FBLN7: variants seen among roughly 807,000 people sequenced by gnomAD.
FBLN7 encodes the protein fibulin-7.
In FBLN7, 31 loss-of-function variants were observed where a neutral mutation model predicts 44.0. The ratio of observed to expected loss-of-function variants is 0.70; its 90% CI spans 0.53 to 0.95. The LOEUF (loss-of-function observed/expected upper bound fraction) is 0.95, where lower values mean the gene tolerates loss of function less well. Among genes scored for constraint, FBLN7 ranks in the 40% least tolerant of loss-of-function variants. The pLI, the probability that FBLN7 is intolerant of heterozygous loss-of-function variation, is 0.00. For missense variants in FBLN7, 573 were observed against 618.5 expected (o/e 0.93, Z 0.78); for synonymous variants, 262 against 253.4 (o/e 1.03, Z -0.32).
At chr2:112,218,778 G>A in the FBLN7 span, among the ~76,000 whole-genome samples, 2 of 152,172 alleles carry the variant, frequency 1.3e-5, no homozygotes, top group South Asian at 4.1e-4. Flanking sequence ...ATTTTGAGGA[G>A]TGAAAAGTTA....
chr2:112,155,982 C>A (rs1340029992), intron 1 of FBLN7, among the ~76,000 whole-genome samples: 2 of 152,236 alleles, frequency 1.3e-5, no homozygotes, highest in Non-Finnish European at 2.9e-5. Flanking sequence ...GTACCCGGGG[C>A]AGCTGCGGCT....
the FBLN7 span, among the ~76,000 whole-genome samples, chr2:112,226,965 G>A: frequency 6.6e-6 from 1 of 152,080 alleles, no homozygotes; most frequent in African/African-American, 2.4e-5. Flanking sequence ...CATCTCAACA[G>A]ATGCACAGAA....
chr2:112,230,686 G>A, the FBLN7 span: 1 of 218,010 alleles, frequency 4.6e-6, no homozygotes, highest in Non-Finnish European at 9.1e-6. Context: ...AAACACAAGA[G>A]GAGAATAAAA....
At chr2:112,167,104 G>A (rs1573803644) in intron 3 of FBLN7, among the ~76,000 whole-genome samples, 1 of 152,226 alleles carries the variant, frequency 6.6e-6, no homozygotes, top group African/African-American at 2.4e-5. Flanking sequence ...TGCTGCAAGC[G>A]AAAGCACATC....
intron 2 of FBLN7, among the ~76,000 whole-genome samples, chr2:112,164,315 G>C (rs1682025066): frequency 6.6e-6 from 1 of 152,206 alleles, no homozygotes; most frequent in Admixed American, 6.5e-5. Context: ...CCAGGCAGTG[G>C]GCTGGTGCTG....
At chr2:112,142,630 G>A (rs2104533538) in intron 1 of FBLN7, among the ~76,000 whole-genome samples, 1 of 152,306 alleles carries the variant, frequency 6.6e-6, no homozygotes, top group African/African-American at 2.4e-5. Context: ...CAACTCCAAG[G>A]AGCTCTAGAT....
chr2:112,159,582 G>T, intron 1 of FBLN7, 94 bp from the exon 2 acceptor site: 2 of 1,397,490 alleles, frequency 1.4e-6, no homozygotes, highest in Non-Finnish European at 1.9e-6. Context: ...ACGCGGTTTG[G>T]ACCCCGTGGC....
At chr2:112,211,953 T>A in the FBLN7 span, 4 of 152,204 alleles carry the variant, frequency 2.6e-5, no homozygotes, top group Non-Finnish European at 5.9e-5. Context: ...AGTTTTCTGC[T>A]CCTTATTATG....
intron 3 of FBLN7, among the ~76,000 whole-genome samples, chr2:112,165,796 C>G (rs1445320644): frequency 6.6e-6 from 1 of 152,176 alleles, no homozygotes; most frequent in Non-Finnish European, 1.5e-5. Flanking sequence ...GAAGGCTTCT[C>G]TCTGTGCTAG....
chr2:112,150,903 G>A (rs972312711), intron 1 of FBLN7, among the ~76,000 whole-genome samples: 1 of 152,192 alleles, frequency 6.6e-6, no homozygotes, highest in Admixed American at 6.5e-5. Flanking sequence ...AATTAGAAAA[G>A]TATCAGAGGG....
At chr2:112,145,012 G>T (rs569027558) in intron 1 of FBLN7, among the ~76,000 whole-genome samples, 2 of 152,262 alleles carry the variant, frequency 1.3e-5, no homozygotes, top group Admixed American at 6.5e-5. Flanking sequence ...GTTTAACTTC[G>T]TAAGAAACTG....
the FBLN7 span, among the ~76,000 whole-genome samples, chr2:112,221,125 C>T: frequency 2.6e-5 from 4 of 152,264 alleles, no homozygotes; most frequent in Non-Finnish European, 1.5e-5. Flanking sequence ...TACATAATTT[C>T]ATATTTCTCA....
chr2:112,214,551 G>C, the FBLN7 span: 1 of 152,200 alleles, frequency 6.6e-6, no homozygotes, highest in African/African-American at 2.4e-5. Context: ...AAACCAAGGG[G>C]AGCAGAGGGA....
chr2:112,161,458 G>C (rs964323831), intron 2 of FBLN7, among the ~76,000 whole-genome samples: 2 of 152,052 alleles, frequency 1.3e-5, no homozygotes, highest in African/African-American at 4.8e-5. Context: ...CCCTCACTGG[G>C]GCTCCACACA....
intron 1 of FBLN7, among the ~76,000 whole-genome samples, chr2:112,154,083 T>C (rs1573775609): frequency 6.6e-6 from 1 of 152,202 alleles, no homozygotes; most frequent in Admixed American, 6.5e-5. Flanking sequence ...AACATTGCCA[T>C]TGGTGTCAAG....
chr2:112,229,287 CTCTA>C, the FBLN7 span, among the ~76,000 whole-genome samples: 1 of 152,090 alleles, frequency 6.6e-6, no homozygotes, highest in Non-Finnish European at 1.5e-5. Context: ...GATATGAGGC[CTCTA>C]TCTGATACCA....
the FBLN7 span, among the ~76,000 whole-genome samples, chr2:112,203,824 A>G: frequency 3.4e-4 from 52 of 152,332 alleles, no homozygotes; most frequent in African/African-American, 1.3e-3. Context: ...AAGATGCAAA[A>G]GCAAAAACCC....
At chr2:112,168,888 C>A (rs558858887) in intron 3 of FBLN7, among the ~76,000 whole-genome samples, 9 of 152,296 alleles carry the variant, frequency 5.9e-5, no homozygotes, top group South Asian at 2.1e-4. Flanking sequence ...AATTGTCCCT[C>A]ACTCCAACTC....
At chr2:112,208,060 C>T in the FBLN7 span, among the ~76,000 whole-genome samples, 4 of 152,140 alleles carry the variant, frequency 2.6e-5, no homozygotes, top group African/African-American at 9.7e-5. Context: ...AACATGTAAA[C>T]AAATGGGCAT....
Sources: gnomAD v4.1 joint callset for allele counts (sites outside exome capture counted in the v4.1 genomes callset) on GRCh38, gnomAD v4.1.1 for gene constraint, MANE v1.5 for transcripts, NCBI Gene and HGNC (gene_info 2026-07-23, HGNC 2026-07-21) for gene names.